Variants in SORL1 observed in about 807,000 individuals in gnomAD.
SORL1 encodes sortilin related receptor 1.
Under a neutral mutation model 273.7 loss-of-function variants are expected in SORL1, and 127 were observed. The ratio of observed to expected loss-of-function variants is 0.46; its 90% CI spans 0.40 to 0.54. SORL1 has a LOEUF of 0.54. Among genes scored for constraint, SORL1 ranks in the 20% least tolerant of loss-of-function variants. SORL1 has a pLI of 0.00. For missense variants in SORL1, 2,494 were observed against 2,846.1 expected, an observed-to-expected ratio of 0.88 and a Z score of 2.81; for synonymous variants, 1,031 against 1,067.4, an observed-to-expected ratio of 0.97 and a Z score of 0.66.
intron 6 of SORL1, among the ~76,000 whole-genome samples, chr11:121,498,986 G>A (rs1375723999): frequency 6.6e-6 from 1 of 152,170 alleles, no homozygotes; most frequent in Non-Finnish European, 1.5e-5. Context: ...CCTGTGGTGA[G>A]TTTTTAATTA....
chr11:121,485,642 A>G (rs1249678141), intron 3 of SORL1, among the ~76,000 whole-genome samples: 3 of 152,256 alleles, frequency 2.0e-5, no homozygotes, highest in Non-Finnish European at 4.4e-5. Flanking sequence ...GTGAGACTGC[A>G]GGAAGCCATG....
rs747809167 is a variant in SORL1 at position 121,574,311 on chromosome 11, T to C, written c.3408T>C (p.Tyr1136=). The change falls in exon 24 of 48, where the codon TAT becomes TAC. Residue 1136 remains tyrosine (Y), a synonymous_variant. Transcript: ENST00000260197. ...QESGTCIPLS[Y]KCDLEDDCGD... ...CTGGGACTTGTATCCCACTGTCCTA[T>C]AAATGTGACCTTGAGGATGACTGTG... 1.2e-6 allele frequency: 2 copies of C among 1,613,786 alleles called. No individual in the cohort carries two copies. Among genetic ancestry groups the C allele is most frequent in the South Asian group, 2.2e-5 (2 of 91,078 alleles).
chr11:121,457,947 T>C (rs985537301), intron 1 of SORL1, among the ~76,000 whole-genome samples: 3 of 152,266 alleles, frequency 2.0e-5, no homozygotes, highest in African/African-American at 4.8e-5. Context: ...AAGGTGGATG[T>C]TGTAGGAACA....
intron 8 of SORL1, among the ~76,000 whole-genome samples, chr11:121,515,381 G>A (rs1861935853): frequency 6.6e-6 from 1 of 152,174 alleles, no homozygotes; most frequent in South Asian, 2.1e-4. Flanking sequence ...TCAGGAGGGG[G>A]ACATTTAAGC....
chr11:121,618,601 A>C (rs1364628588), intron 41 of SORL1, among the ~76,000 whole-genome samples, 173 bp from the exon 42 acceptor site: 1 of 152,212 alleles, frequency 6.6e-6, no homozygotes, highest in African/African-American at 2.4e-5. Context: ...CTCTACATAC[A>C]GTGCCTGGCC....
At position 121,488,161 on chromosome 11, in the gene SORL1, T is replaced by C. The variant is rs1186705046; in HGVS notation, c.658T>C (p.Leu220=). 1.9e-6 allele frequency: 3 copies of C among 1,614,046 alleles called. No individual in the cohort carries two copies. Among genetic ancestry groups the C allele is most frequent in the Non-Finnish European group, 2.5e-6 (3 of 1,180,028 alleles). ...LLHSKASNLL[L]GFDRSHPNKQ... is the part of the protein sequence containing the mutation. ...ACACAGTAAGGCCTCCAACCTTCTC[T>C]TGGGCTTTGACAGGTCCCACCCCAA... Residue 220 remains leucine, a synonymous_variant, in exon 4 of 48, where the codon TTG becomes CTG. Coordinates refer to ENST00000260197, the MANE Select transcript of SORL1 (RefSeq NM_003105.6).
At chr11:121,560,001 G>T (rs1204392220) in intron 21 of SORL1, among the ~76,000 whole-genome samples, 2 of 152,188 alleles carry the variant, frequency 1.3e-5, no homozygotes, top group Non-Finnish European at 2.9e-5. Context: ...TGCAGGAAGA[G>T]ACTCTGTGCT....
intron 11 of SORL1, among the ~76,000 whole-genome samples, chr11:121,526,543 T>C (rs1426326957): frequency 6.6e-6 from 1 of 152,196 alleles, no homozygotes; most frequent in Non-Finnish European, 1.5e-5. Flanking sequence ...TAGAATCAGT[T>C]TGGAGGAGAA....
chr11:121,463,232 G>A lies in SORL1; in HGVS notation c.286-6775G>A, dbSNP rs190831361. Among the ~76,000 whole-genome samples, 489 of 151,036 alleles carry A rather than the reference G, an allele frequency of 3.2e-3. 5 individuals are homozygous for A. The highest frequency in any genetic ancestry group is 0.011 in the African/African-American group (451 of 41,002). ...GGCATTTCATTTAATTGTTCTCTGA[G>A]ATTCTTTCTGGCTTTGATATTTTCC... On this transcript the variant is annotated intron_variant, in intron 1 of 47. Coordinates refer to ENST00000260197, the MANE Select transcript of SORL1 (RefSeq NM_003105.6).
intron 45 of SORL1, 86 bp downstream of exon 45, chr11:121,622,354 T>C: frequency 1.6e-6 from 1 of 630,658 alleles, no homozygotes; most frequent in Non-Finnish European, 2.6e-6. Context: ...CATGCTGGCA[T>C]AGATAGTGTA....
intron 11 of SORL1, among the ~76,000 whole-genome samples, chr11:121,530,514 T>C (rs899046374): frequency 6.6e-6 from 1 of 152,232 alleles, no homozygotes; most frequent in Non-Finnish European, 1.5e-5. Context: ...CTCTTCACTT[T>C]AGCTATCATT....
intron 45 of SORL1, among the ~76,000 whole-genome samples, chr11:121,624,161 T>C (rs1863761787): frequency 6.6e-6 from 1 of 152,180 alleles, no homozygotes; most frequent in South Asian, 2.1e-4. Flanking sequence ...AGGAGAATTA[T>C]AGGAGCTAGA....
At chr11:121,491,197 T>C (rs1361370505) in intron 5 of SORL1, among the ~76,000 whole-genome samples, 7 of 152,196 alleles carry the variant, frequency 4.6e-5, no homozygotes, top group Non-Finnish European at 1.0e-4. Flanking sequence ...GAAGTTGGTA[T>C]TAGAATCTGC....
chr11:121,561,384 C>T lies in SORL1; in HGVS notation c.3049+1727C>T, dbSNP rs1027694486. ...GTCTCAGCACATGCAAACGTGGTGT[C>T]TTGGTGCCAGTCAGACAGGTCTGCA... On this transcript the variant is annotated intron_variant, in intron 21 of 47. Coordinates refer to ENST00000260197, the MANE Select transcript of SORL1 (RefSeq NM_003105.6). 5.3e-5 allele frequency among the ~76,000 whole-genome samples: 8 copies of T among 152,290 alleles called. No homozygotes were observed. In the East Asian group the frequency reaches 1.5e-3, roughly 29 times the overall value.
chr11:121,519,123 T>C (rs1591309366), intron 8 of SORL1, among the ~76,000 whole-genome samples: 1 of 151,724 alleles, frequency 6.6e-6, no homozygotes, highest in African/African-American at 2.4e-5. Flanking sequence ...AATTTTTGTA[T>C]TATTAATAGA....
At chr11:121,500,678 T>A (rs1419560961) in intron 6 of SORL1, among the ~76,000 whole-genome samples, 1 of 152,250 alleles carries the variant, frequency 6.6e-6, no homozygotes, top group Non-Finnish European at 1.5e-5. Flanking sequence ...TAGTTGTCTG[T>A]TACCCCTTCA....
At chr11:121,601,540 A>G (rs995988711) in intron 32 of SORL1, among the ~76,000 whole-genome samples, 3 of 146,336 alleles carry the variant, frequency 2.1e-5, no homozygotes, top group Admixed American at 6.8e-5. Context: ...CTATTTCTCC[A>G]CCTCCTCTCC....
rs370514109 is a variant in SORL1, at chr11:121,604,152, G to A, written c.4520-41G>A. 9.1e-5 allele frequency: 147 copies of A among 1,609,746 alleles called. No individual in the cohort carries two copies. In the Admixed American group the frequency reaches 1.3e-3, roughly 14 times the overall value. On this transcript the variant is annotated intron_variant, in intron 32 of 47. Coordinates refer to ENST00000260197, the MANE Select transcript of SORL1 (RefSeq NM_003105.6). Reference sequence around the variant, plus strand: ...TTGGGCCCAGCCTTTAGTACCATACGGCCCCTCCCCGTGGACTTAAGAAGC... The same window carrying A: ...TTGGGCCCAGCCTTTAGTACCATACAGCCCCTCCCCGTGGACTTAAGAAGC...
In SORL1 at chr11:121,526,628, C is replaced by T. The variant is rs113046719; in HGVS notation, c.1596+3639C>T. Among the ~76,000 whole-genome samples, 940 of 152,230 alleles carry T rather than the reference C, an allele frequency of 6.2e-3. 9 individuals carry two copies. The highest frequency in any genetic ancestry group is 0.021 in the African/African-American group (890 of 41,560). ...TTTCCATTTCTTGTTCAATTTCTCT[C>T]AGTACTTTGTAGTTTCCAATGTAGA... On this transcript the variant is annotated intron_variant, in intron 11 of 47. Coordinates refer to ENST00000260197, the MANE Select transcript of SORL1 (RefSeq NM_003105.6).
Sources: gnomAD v4.1 joint callset for allele counts (sites outside exome capture counted in the v4.1 genomes callset) on GRCh38, gnomAD v4.1.1 for gene constraint, MANE v1.5 for transcripts, NCBI Gene and HGNC (gene_info 2026-07-23, HGNC 2026-07-21) for gene names.